The following ADAMTS18 variants were observed in gnomAD, a reference collection of about 807,000 sequenced individuals.
ADAMTS18 encodes the protein ADAM metallopeptidase with thrombospondin type 1 motif 18.
A neutral mutation model predicts 165.9 loss-of-function variants in ADAMTS18; 157 were observed. The ratio of observed to expected loss-of-function variants is 0.95; its 90% CI spans 0.83 to 1.08. The LOEUF is 1.08. Among genes scored for constraint, ADAMTS18 ranks in the 50% least tolerant of loss-of-function variants. The pLI is 0.00. For missense variants in ADAMTS18, 2,040 were observed against 1,534.0 expected, an observed-to-expected ratio of 1.33 and a Z score of -5.51; for synonymous variants, 782 against 578.2, an observed-to-expected ratio of 1.35 and a Z score of -5.06.
In ADAMTS18 at chr16:77,355,941, T is replaced by C. The variant is rs778666262; in HGVS notation, c.1459A>G (p.Ser487Gly). The part of the protein sequence containing the change: ...CSRQYLKKFL[S>G]TPQAGCLVDE... ...ACCCCAGGATTTAACCTGTCATACC[T>C]GAGGAATTTCTTGAGATACTGGCGG... Residue 487 changes from serine to glycine, a missense_variant and splice_region_variant, in exon 9 of 23, where the codon AGC becomes GGC. Ser to Gly is a moderately conservative substitution (Grantham distance 56, BLOSUM62 0). Coordinates refer to ENST00000282849, the MANE Select transcript of ADAMTS18 (RefSeq NM_199355.4). The C allele has an allele frequency of 9.3e-6, 15 of 1,614,010 alleles. No individual in the cohort carries two copies. Among genetic ancestry groups the C allele is most frequent in the Non-Finnish European group, 1.2e-5 (14 of 1,179,914 alleles).
At chr16:77,310,211 G>C (rs931778609) in intron 16 of ADAMTS18, among the ~76,000 whole-genome samples, 1 of 152,164 alleles carries the variant, frequency 6.6e-6, no homozygotes, top group South Asian at 2.1e-4. Context: ...TGCAACGAAT[G>C]AATTTTATCA....
At chr16:77,379,139 A>G (rs1443704766) in intron 3 of ADAMTS18, among the ~76,000 whole-genome samples, 1 of 152,244 alleles carries the variant, frequency 6.6e-6, no homozygotes, top group East Asian at 1.9e-4. Context: ...GATGGGAAAG[A>G]GAAGTGACCA....
intron 3 of ADAMTS18, among the ~76,000 whole-genome samples, chr16:77,416,397 T>C (rs1378831681): frequency 6.6e-6 from 1 of 152,154 alleles, no homozygotes; most frequent in Non-Finnish European, 1.5e-5. Context: ...AATGTCACCT[T>C]GAATTGTAAT....
At chr16:77,293,694 G>A (rs1329780533) in intron 19 of ADAMTS18, among the ~76,000 whole-genome samples, 3 of 150,810 alleles carry the variant, frequency 2.0e-5, no homozygotes, top group Non-Finnish European at 2.9e-5. Flanking sequence ...GACGGGCAGG[G>A]TGGTGCTTTG....
chr16:77,410,936 C>T (rs931803310), intron 3 of ADAMTS18, among the ~76,000 whole-genome samples: 1 of 152,124 alleles, frequency 6.6e-6, no homozygotes. Flanking sequence ...AACATTCTGG[C>T]CTTTCAGATA....
At chr16:77,295,150 A>T in intron 18 of ADAMTS18, 23 bp from the exon 19 acceptor site, 1 of 1,613,598 alleles carries the variant, frequency 6.2e-7, no homozygotes, top group Admixed American at 1.7e-5. Flanking sequence ...AACAAACATT[A>T]CCAATGAAGC....
At chr16:77,310,781 C>T (rs546803411) in intron 16 of ADAMTS18, among the ~76,000 whole-genome samples, 43 of 152,182 alleles carry the variant, frequency 2.8e-4, no homozygotes, top group African/African-American at 1.0e-3. Flanking sequence ...GCATGCACCA[C>T]AACTCCCAGC....
In ADAMTS18 at chr16:77,341,765, C is replaced by T; in HGVS notation, c.1649G>A (p.Gly550Asp). ...ICKSLWCHRVGHRCETKFMPA... is the reference protein window; with the variant it reads ...ICKSLWCHRVDHRCETKFMPA... ...CATAAACTTGGTCTCACACCTGTGG[C>T]CTACTCGGTGGCACCAAAGTGATTT... The change falls in exon 11 of 23, where the codon GGC becomes GAC. Residue 550 changes from glycine to aspartate, a missense_variant. Coordinates refer to ENST00000282849, the MANE Select transcript of ADAMTS18 (RefSeq NM_199355.4). 1 of 1,613,346 alleles carries T rather than the reference C, an allele frequency of 6.2e-7. No individual in the cohort carries two copies. Among genetic ancestry groups the T allele is most frequent in the South Asian group, 1.1e-5 (1 of 90,932 alleles).
At chr16:77,285,571 G>C (rs140885153) in intron 22 of ADAMTS18, among the ~76,000 whole-genome samples, 335 of 151,440 alleles carry the variant, frequency 2.2e-3, no homozygotes, top group Non-Finnish European at 3.6e-3. Context: ...TTCAAGCCTT[G>C]ATTTTTCTGC....
intron 12 of ADAMTS18, among the ~76,000 whole-genome samples, chr16:77,328,063 G>A (rs889532932): frequency 3.3e-5 from 5 of 152,134 alleles, no homozygotes; most frequent in African/African-American, 1.2e-4. Context: ...TTCCTGCCAA[G>A]CACAATGGGA....
At position 77,356,069 on chromosome 16, in the gene ADAMTS18, A is replaced by G. The variant is rs1489929638; in HGVS notation, c.1331T>C (p.Met444Thr). The G allele has an allele frequency of 6.2e-7, 1 of 1,613,990 alleles. No homozygotes were observed. The highest frequency in any genetic ancestry group is 8.5e-7 in the Non-Finnish European group (1 of 1,179,960). Residue 444 changes from methionine (M) to threonine (T), a missense_variant, in exon 9 of 23, where the codon ATG becomes ACG. By Grantham distance (81) the Met-to-Thr change is moderately conservative. Transcript: ENST00000282849. ...GGGATTCCCTTCTCCATCGTGAATCATACCAAAGCTGAAACAGAATGAAGA... is the reference window on the plus strand; with the variant it reads ...GGGATTCCCTTCTCCATCGTGAATCGTACCAAAGCTGAAACAGAATGAAGA... ...IAHESGHNFGMIHDGEGNPCR... is the reference protein window; with the variant it reads ...IAHESGHNFGTIHDGEGNPCR...
At chr16:77,393,919 T>C (rs34861145) in intron 3 of ADAMTS18, among the ~76,000 whole-genome samples, 46,258 of 152,140 alleles carry the variant, frequency 0.3, 7,422 homozygotes, top group Non-Finnish European at 0.36. Context: ...ATCCATCCAG[T>C]AGGATTTACT....
At chr16:77,299,708 A>T (rs1597093268) in intron 17 of ADAMTS18, among the ~76,000 whole-genome samples, 1 of 152,210 alleles carries the variant, frequency 6.6e-6, no homozygotes, top group African/African-American at 2.4e-5. Context: ...CCTTCTACTC[A>T]CCCAGTAGAT....
chr16:77,396,448 C>T (rs768708214), intron 3 of ADAMTS18, among the ~76,000 whole-genome samples: 5 of 152,178 alleles, frequency 3.3e-5, no homozygotes, highest in Non-Finnish European at 4.4e-5. Flanking sequence ...TTTCCAGATA[C>T]CATATGGGTT....
intron 10 of ADAMTS18, among the ~76,000 whole-genome samples, chr16:77,343,285 G>T (rs1323848525): frequency 6.6e-6 from 1 of 152,162 alleles, no homozygotes; most frequent in East Asian, 1.9e-4. Flanking sequence ...CGTTGGCCAG[G>T]CTGGTCTCGA....
intron 3 of ADAMTS18, among the ~76,000 whole-genome samples, chr16:77,381,614 C>A (rs2057031943): frequency 6.6e-6 from 1 of 151,958 alleles, no homozygotes; most frequent in African/African-American, 2.4e-5. Flanking sequence ...CCAGCCTGAC[C>A]AACATGGTGA....
Position 77,434,862 on chromosome 16 carries a change from T to A in ADAMTS18, c.-167A>T. The A allele has an allele frequency of 2.0e-6, 1 of 491,130 alleles. No homozygotes were observed. The highest frequency in any genetic ancestry group is 3.2e-6 in the Non-Finnish European group (1 of 310,366). 30.4% of individuals were successfully genotyped at this position (491,130 alleles called of 1,614,324 possible). The stretch of plus-strand genomic sequence containing the variant: ...GGGGGCGCGCTGGGACCTCCCCTCC[T>A]CCGGCCGCCTGCGCGCCCTCCCTTC... On this transcript the variant is annotated 5_prime_UTR_variant, in exon 1 of 23. Transcript: ENST00000282849.
chr16:77,289,996 T>C (rs978775567), intron 21 of ADAMTS18, among the ~76,000 whole-genome samples: 3 of 152,218 alleles, frequency 2.0e-5, no homozygotes, highest in Admixed American at 1.3e-4. Context: ...GAAAAATTTA[T>C]AAAGATACTT....
chr16:77,425,376 G>C (rs566282488), intron 3 of ADAMTS18, among the ~76,000 whole-genome samples: 1 of 152,288 alleles, frequency 6.6e-6, no homozygotes, highest in East Asian at 1.9e-4. Context: ...TCCACTCAGA[G>C]CATCAGATGC....
Sources: allele counts gnomAD v4.1 joint callset (sites outside exome capture counted in the v4.1 genomes callset), GRCh38; gene constraint gnomAD v4.1.1; transcripts MANE v1.5; gene names NCBI Gene and HGNC (gene_info 2026-07-23, HGNC 2026-07-21).